The following MCTP1 variants were observed in gnomAD, a reference collection of about 807,000 sequenced individuals.
The protein encoded by MCTP1 is multiple C2 and transmembrane domain containing 1.
Under a neutral mutation model 120.6 loss-of-function variants are expected in MCTP1, and 69 were observed. The observed-to-expected ratio is 0.57, with a 90% confidence interval of 0.47 to 0.70. The LOEUF (loss-of-function observed/expected upper bound fraction) is 0.70. Ranked by LOEUF, MCTP1 falls within the 30% of genes least tolerant of loss-of-function variation. MCTP1 has a pLI of 0.00. For synonymous variants in MCTP1, 529 were observed against 493.1 expected, an observed-to-expected ratio of 1.07 and a Z score of -0.96; for missense variants, 1,203 against 1,248.8, an observed-to-expected ratio of 0.96 and a Z score of 0.55.
chr5:95,260,615 G>GTA (rs890628404), intron 1 of MCTP1, among the ~76,000 whole-genome samples: 19 of 151,804 alleles, frequency 1.3e-4, no homozygotes, highest in Non-Finnish European at 1.8e-4. Flanking sequence ...ATATGTGTGT[G>GTA]TATATATATA....
chr5:94,871,012 C>A, intron 14 of MCTP1, 39 bp from the exon 15 acceptor site: 1 of 1,519,292 alleles, frequency 6.6e-7, no homozygotes, highest in Non-Finnish European at 9.1e-7. Flanking sequence ...GTCTCGCGGT[C>A]TCTACTGAAT....
intron 17 of MCTP1, among the ~76,000 whole-genome samples, chr5:94,852,624 C>T (rs540709519): frequency 3.2e-4 from 48 of 152,032 alleles, no homozygotes; most frequent in Non-Finnish European, 5.9e-4. Context: ...TTTTAATGCT[C>T]ATAGCAAGGT....
At chr5:94,802,264 G>A (rs1263434000) in intron 17 of MCTP1, among the ~76,000 whole-genome samples, 2 of 152,042 alleles carry the variant, frequency 1.3e-5, no homozygotes, top group African/African-American at 4.8e-5. Context: ...TTCTTTTTCA[G>A]CACCTAAATG....
At chr5:94,708,820 C>CT (rs567604614) in intron 21 of MCTP1, 122 of 441,460 alleles carry the variant, frequency 2.8e-4, no homozygotes, top group African/African-American at 2.0e-3. Context: ...GAAAGGCTTT[C>CT]TATGTGGGAA....
chr5:94,806,291 T>G (rs1782268281), intron 17 of MCTP1, among the ~76,000 whole-genome samples: 1 of 151,984 alleles, frequency 6.6e-6, no homozygotes, highest in Non-Finnish European at 1.5e-5. Flanking sequence ...AAAAAAAAAG[T>G]CCTACTTTTT....
At position 94,725,498 on chromosome 5, in the gene MCTP1, GA is replaced by G. The variant is rs1319796900; in HGVS notation, c.2611-10613del. ...TGTTTCTTAAATCTCAACTTCTAAT[GA>G]AAAAGTTGTAGGATGTACGTTTGTT... On this transcript the variant is annotated intron_variant, in intron 19 of 22. Coordinates refer to ENST00000515393, the MANE Select transcript of MCTP1 (RefSeq NM_024717.7). 3.3e-5 allele frequency among the ~76,000 whole-genome samples: 5 copies of G among 152,270 alleles called. No homozygotes were observed. The East Asian group carries it at 9.6e-4, about 29-fold the overall frequency.
chr5:94,909,710 C>T (rs1219059251), intron 9 of MCTP1, among the ~76,000 whole-genome samples: 3 of 151,992 alleles, frequency 2.0e-5, no homozygotes, highest in South Asian at 2.1e-4. Flanking sequence ...CAATATTTTA[C>T]ATAATCATAG....
chr5:94,911,687 T>C (rs187141440), intron 9 of MCTP1, among the ~76,000 whole-genome samples: 281 of 152,312 alleles, frequency 1.8e-3, no homozygotes, highest in African/African-American at 6.4e-3. Context: ...TAGTTCTTTA[T>C]AGAAGTGTGA....
At position 94,926,630 on chromosome 5, in the gene MCTP1, A is replaced by G. The variant is rs143362779; in HGVS notation, c.1213-2609T>C. 5.3e-3 allele frequency among the ~76,000 whole-genome samples: 805 copies of G among 152,198 alleles called. 4 individuals are homozygous for G. The highest frequency in any genetic ancestry group is 0.016 in the South Asian group (79 of 4,818). On this transcript the variant is annotated intron_variant, in intron 6 of 22. Coordinates refer to ENST00000515393, the MANE Select transcript of MCTP1 (RefSeq NM_024717.7). The stretch of plus-strand genomic sequence containing the variant: ...GACCAACAAATCTCCTCCCAGTTCC[A>G]CTCAATTTAATAACTAACTGTCTGT...
chr5:94,947,191 G>A (rs898567457), intron 3 of MCTP1, among the ~76,000 whole-genome samples: 1 of 151,998 alleles, frequency 6.6e-6, no homozygotes, highest in African/African-American at 2.4e-5. Context: ...CAGTCCTTGG[G>A]TTCTACCTTG....
intron 2 of MCTP1, among the ~76,000 whole-genome samples, chr5:94,977,696 G>A (rs1170733674): frequency 6.6e-6 from 1 of 152,078 alleles, no homozygotes; most frequent in African/African-American, 2.4e-5. Flanking sequence ...AGGGTGCCAG[G>A]AATACAAAAT....
At chr5:95,194,205 C>A (rs1292301998) in intron 1 of MCTP1, among the ~76,000 whole-genome samples, 4 of 150,478 alleles carry the variant, frequency 2.7e-5, no homozygotes, top group Admixed American at 6.7e-5. Flanking sequence ...GAGACACTGT[C>A]TGAAAAGAAA....
intron 2 of MCTP1, among the ~76,000 whole-genome samples, chr5:94,955,355 T>C (rs971692506): frequency 6.6e-6 from 1 of 152,184 alleles, no homozygotes; most frequent in African/African-American, 2.4e-5. Flanking sequence ...GGGCAGACAC[T>C]GAGCTAGCTG....
intron 1 of MCTP1, among the ~76,000 whole-genome samples, chr5:95,116,601 CA>C (rs1757842068): frequency 6.6e-6 from 1 of 151,632 alleles, no homozygotes; most frequent in Admixed American, 6.6e-5. Flanking sequence ...ATGGGAATAG[CA>C]TAAAATCTAT....
intron 3 of MCTP1, among the ~76,000 whole-genome samples, chr5:94,943,075 T>C (rs1369452738): frequency 6.6e-6 from 1 of 152,122 alleles, no homozygotes; most frequent in Non-Finnish European, 1.5e-5. Context: ...ATTCACTCTA[T>C]GGTAAGTAAG....
At chr5:94,947,022 G>C (rs1819113131) in intron 3 of MCTP1, among the ~76,000 whole-genome samples, 7 of 152,106 alleles carry the variant, frequency 4.6e-5, no homozygotes, top group Admixed American at 2.6e-4. Flanking sequence ...TTCAACCTCT[G>C]TCTTCACTTT....
intron 1 of MCTP1, among the ~76,000 whole-genome samples, chr5:95,124,613 A>G (rs1197619044): frequency 6.6e-6 from 1 of 152,190 alleles, no homozygotes; most frequent in East Asian, 1.9e-4. Context: ...CCTTTCCATC[A>G]CTGGCATTTA....
chr5:95,271,797 T>C (rs889933226), intron 1 of MCTP1, among the ~76,000 whole-genome samples: 1 of 151,270 alleles, frequency 6.6e-6, no homozygotes, highest in Non-Finnish European at 1.5e-5. Context: ...TATATAGCTA[T>C]ATAGATAGAT....
At position 95,053,130 on chromosome 5, in the gene MCTP1, G is replaced by T. The variant is rs186286168; in HGVS notation, c.721-35646C>A. ...TTCCATATTTTTACATGAAAATCAA[G>T]GAAATAAAACATACTTTGGAGAAGT... On this transcript the variant is annotated intron_variant, in intron 1 of 22. Coordinates refer to ENST00000515393, the MANE Select transcript of MCTP1 (RefSeq NM_024717.7). Among the ~76,000 whole-genome samples the T allele has an allele frequency of 2.0e-3, 302 of 152,210 alleles. 1 individual carries two copies. The highest frequency in any genetic ancestry group is 6.9e-3 in the African/African-American group (288 of 41,528).
Sources: gnomAD v4.1 joint callset for allele counts (sites outside exome capture counted in the v4.1 genomes callset) on GRCh38, gnomAD v4.1.1 for gene constraint, MANE v1.5 for transcripts, NCBI Gene and HGNC (gene_info 2026-07-23, HGNC 2026-07-21) for gene names.